ATOSA: variants seen among roughly 807,000 people sequenced by gnomAD.
ATOSA encodes atos homolog A.
chr15:52,705,639 G>A, the ATOSA span, among the ~76,000 whole-genome samples: 1 of 152,088 alleles, frequency 6.6e-6, no homozygotes, highest in African/African-American at 2.4e-5. Flanking sequence ...TAAGCATACA[G>A]TTCAGTGAAT....
At chr15:52,618,413 G>C in the ATOSA span, among the ~76,000 whole-genome samples, 1 of 152,108 alleles carries the variant, frequency 6.6e-6, no homozygotes, top group South Asian at 2.1e-4. Flanking sequence ...ATATCCTAAA[G>C]AGCACCTGAT....
the ATOSA span, among the ~76,000 whole-genome samples, chr15:52,686,099 A>T: frequency 6.6e-6 from 1 of 152,186 alleles, no homozygotes; most frequent in Non-Finnish European, 1.5e-5. Context: ...AGAACTACCT[A>T]CCCAAACAGT....
the ATOSA span, among the ~76,000 whole-genome samples, chr15:52,663,574 T>C: frequency 3.9e-3 from 587 of 150,606 alleles, 1 homozygote; most frequent in African/African-American, 0.014. Context: ...AAACTAAGAG[T>C]TGTACATATT....
At chr15:52,659,814 T>C in the ATOSA span, among the ~76,000 whole-genome samples, 1 of 152,058 alleles carries the variant, frequency 6.6e-6, no homozygotes, top group East Asian at 1.9e-4. Context: ...CAAGACCATC[T>C]TGGCCAACAT....
the ATOSA span, among the ~76,000 whole-genome samples, chr15:52,638,825 C>G: frequency 6.6e-6 from 1 of 151,636 alleles, no homozygotes; most frequent in South Asian, 2.1e-4. Flanking sequence ...TAAAACTGCT[C>G]TAAAAACAAA....
At chr15:52,698,097 C>G in the ATOSA span, among the ~76,000 whole-genome samples, 3 of 151,070 alleles carry the variant, frequency 2.0e-5, no homozygotes, top group East Asian at 5.8e-4. Context: ...CTGCCTCAGC[C>G]TCCCGAGTAG....
the ATOSA span, among the ~76,000 whole-genome samples, chr15:52,651,635 T>C: frequency 6.6e-6 from 1 of 152,222 alleles, no homozygotes; most frequent in Non-Finnish European, 1.5e-5. Context: ...CTTTTCTTCC[T>C]ACTCATTGTT....
the ATOSA span, among the ~76,000 whole-genome samples, chr15:52,702,527 T>G: frequency 6.6e-6 from 1 of 152,080 alleles, no homozygotes; most frequent in Non-Finnish European, 1.5e-5. Context: ...AAATACAACA[T>G]GTTCTCACTT....
the ATOSA span, among the ~76,000 whole-genome samples, chr15:52,673,307 ATTTTTAAACCACT>A: frequency 3.3e-5 from 5 of 152,202 alleles, no homozygotes; most frequent in Non-Finnish European, 7.3e-5. Context: ...TTCCTCAAGT[ATTTTTAAACCACT>A]TTGGTCCCAA....
At chr15:52,657,799 A>AT in the ATOSA span, 1 of 152,246 alleles carries the variant, frequency 6.6e-6, no homozygotes, top group Admixed American at 6.5e-5. Context: ...TGCTAAAACA[A>AT]TCTGTAGAAT....
the ATOSA span, among the ~76,000 whole-genome samples, chr15:52,614,741 A>G: frequency 6.6e-6 from 1 of 151,866 alleles, no homozygotes; most frequent in Non-Finnish European, 1.5e-5. Flanking sequence ...TCAGCTACTC[A>G]GGAGGCTGAG....
the ATOSA span, among the ~76,000 whole-genome samples, chr15:52,606,169 T>C: frequency 0.011 from 1,661 of 152,130 alleles, 19 homozygotes; most frequent in South Asian, 0.044. Context: ...TATAAAACTA[T>C]GTCAATATTA....
chr15:52,675,157 AT>A, the ATOSA span, among the ~76,000 whole-genome samples: 19 of 152,088 alleles, frequency 1.2e-4, no homozygotes, highest in Admixed American at 2.6e-4. Flanking sequence ...CTTAAAATTA[AT>A]TTTTTTTACA....
the ATOSA span, among the ~76,000 whole-genome samples, chr15:52,700,021 T>G: frequency 6.6e-6 from 1 of 152,206 alleles, no homozygotes; most frequent in Admixed American, 6.5e-5. Context: ...ATGAACTACT[T>G]TATTTTCAAT....
the ATOSA span, chr15:52,598,456 G>A: frequency 6.6e-6 from 1 of 152,158 alleles, no homozygotes; most frequent in Non-Finnish European, 1.5e-5. Flanking sequence ...CAACATTACA[G>A]GGATAAGACT....
chr15:52,587,237 C>T, the ATOSA span: 1 of 1,608,110 alleles, frequency 6.2e-7, no homozygotes, highest in South Asian at 1.1e-5. Context: ...TAAAAGAAGA[C>T]AAATTGAGTA....
the ATOSA span, among the ~76,000 whole-genome samples, chr15:52,682,722 A>G: frequency 1.3e-5 from 2 of 152,382 alleles, no homozygotes; most frequent in East Asian, 3.9e-4. Context: ...TAGAATTAAA[A>G]TGTATAAATA....
chr15:52,691,760 G>A, the ATOSA span, among the ~76,000 whole-genome samples: 2 of 152,022 alleles, frequency 1.3e-5, no homozygotes, highest in Admixed American at 6.6e-5. Context: ...ACTTGAGCCC[G>A]GGGGGTCAAG....
At chr15:52,701,676 G>A in the ATOSA span, among the ~76,000 whole-genome samples, 9 of 152,088 alleles carry the variant, frequency 5.9e-5, no homozygotes, top group African/African-American at 1.9e-4. Context: ...TCCTAACTAC[G>A]ATTCAAAATT....
Sources: allele counts gnomAD v4.1 joint callset (sites outside exome capture counted in the v4.1 genomes callset), GRCh38; gene constraint gnomAD v4.1.1; transcripts MANE v1.5; gene names NCBI Gene and HGNC (gene_info 2026-07-23, HGNC 2026-07-21).